DLGAP1: variants seen among roughly 807,000 people sequenced by gnomAD.
DLGAP1 encodes disks large-associated protein 1.
In DLGAP1, 11 loss-of-function variants were observed where a neutral mutation model predicts 90.8. The observed-to-expected ratio is 0.12, with a 90% CI of 0.08 to 0.20. The LOEUF (loss-of-function observed/expected upper bound fraction) is 0.20, where lower values mean the gene tolerates loss of function less well. Ranked by LOEUF, DLGAP1 falls within the 10% of genes least tolerant of loss-of-function variation. The probability of loss-of-function intolerance (pLI) is 1.00; values close to 1 mark genes in which losing one functional copy is unlikely to be tolerated. For synonymous variants in DLGAP1, 558 were observed against 540.7 expected (o/e 1.03, Z -0.44); for missense variants, 1,050 against 1,333.8 (o/e 0.79, Z 3.31).
chr18:3,700,069 G>A (rs1266648315), intron 7 of DLGAP1, among the ~76,000 whole-genome samples: 1 of 152,164 alleles, frequency 6.6e-6, no homozygotes, highest in Admixed American at 6.5e-5. Flanking sequence ...CTCTCTGGGG[G>A]TGGGATCCGC....
intron 7 of DLGAP1, among the ~76,000 whole-genome samples, chr18:3,667,685 A>T (rs979002075): frequency 4.6e-5 from 7 of 152,144 alleles, no homozygotes; most frequent in African/African-American, 1.4e-4. Flanking sequence ...TGACACTTCC[A>T]GGTCGGTGTG....
In DLGAP1 at chr18:4,126,168, G is replaced by T. The variant is rs574865580; in HGVS notation, c.-159+25012C>A. Among the ~76,000 whole-genome samples, 8 of 152,280 alleles carry T rather than the reference G, an allele frequency of 5.3e-5. No homozygotes were observed. In the South Asian group the frequency reaches 1.0e-3, roughly 20 times the overall value. The stretch of plus-strand genomic sequence containing the variant: ...CTTTTTGTAAGTGAGTCCTCTCATG[G>T]GTAGGGGTAGGGGGATCACATTAAA... On this transcript the variant is annotated intron_variant, in intron 2 of 12. Coordinates refer to ENST00000315677, the MANE Select transcript of DLGAP1 (RefSeq NM_004746.4).
intron 2 of DLGAP1, among the ~76,000 whole-genome samples, chr18:4,130,617 G>T (rs1158789933): frequency 6.6e-6 from 1 of 152,158 alleles, no homozygotes; most frequent in Admixed American, 6.5e-5. Flanking sequence ...CCTTGTTCTT[G>T]TGAAGTTTAC....
chr18:4,303,925 C>T (rs926222093), intron 1 of DLGAP1, among the ~76,000 whole-genome samples: 5 of 152,122 alleles, frequency 3.3e-5, no homozygotes, highest in African/African-American at 1.2e-4. Flanking sequence ...GAAAAGTGCT[C>T]AAGAGAAGAT....
chr18:3,636,452 T>C (rs1241529688), intron 7 of DLGAP1, among the ~76,000 whole-genome samples: 2 of 151,800 alleles, frequency 1.3e-5, no homozygotes, highest in East Asian at 4.0e-4. Context: ...CTCGCTATCT[T>C]CTAGGCTGGA....
At chr18:3,874,870 T>C in intron 4 of DLGAP1, 7 of 933,438 alleles carry the variant, frequency 7.5e-6, no homozygotes, top group Non-Finnish European at 1.0e-5. Context: ...TTATCACTCA[T>C]AATACAATTG....
chr18:4,413,879 T>C (rs1485295410), intron 1 of DLGAP1, among the ~76,000 whole-genome samples: 1 of 152,212 alleles, frequency 6.6e-6, no homozygotes, highest in Non-Finnish European at 1.5e-5. Context: ...TTATATACTC[T>C]ATACTTCAAG....
At chr18:3,985,949 T>G (rs904004936) in intron 3 of DLGAP1, among the ~76,000 whole-genome samples, 2 of 152,314 alleles carry the variant, frequency 1.3e-5, no homozygotes, top group Admixed American at 6.5e-5. Context: ...GCCTTTGACA[T>G]GGGGAATCTA....
intron 2 of DLGAP1, among the ~76,000 whole-genome samples, chr18:4,034,523 A>G (rs769163666): frequency 5.8e-4 from 88 of 152,318 alleles, no homozygotes; most frequent in Non-Finnish European, 7.5e-4. Context: ...ACAAATATAT[A>G]GTTGTCAATT....
chr18:3,641,489 A>G (rs2058937525), intron 7 of DLGAP1, among the ~76,000 whole-genome samples: 1 of 146,110 alleles, frequency 6.8e-6, no homozygotes, highest in Non-Finnish European at 1.5e-5. Context: ...GTGAGCTGAG[A>G]TGGCACCATT....
chr18:3,704,292 C>T (rs796330582), intron 7 of DLGAP1, among the ~76,000 whole-genome samples: 6 of 152,208 alleles, frequency 3.9e-5, no homozygotes, highest in African/African-American at 9.6e-5. Context: ...AAAAATTGAC[C>T]GGGTGTGGTG....
intron 5 of DLGAP1, among the ~76,000 whole-genome samples, chr18:3,748,555 A>G (rs1002934343): frequency 6.6e-6 from 1 of 152,214 alleles, no homozygotes; most frequent in African/African-American, 2.4e-5. Context: ...CTGACTTACA[A>G]AAGTATTGGA....
At chr18:3,976,352 T>C (rs8091375) in intron 3 of DLGAP1, among the ~76,000 whole-genome samples, 89,808 of 129,568 alleles carry the variant, frequency 0.69, 28,367 homozygotes, top group African/African-American at 0.84. Context: ...AGCAAAACTC[T>C]GTCTCAAAAA....
chr18:4,423,132 T>G (rs1378258825), intron 1 of DLGAP1, among the ~76,000 whole-genome samples: 4 of 152,166 alleles, frequency 2.6e-5, no homozygotes, highest in African/African-American at 9.6e-5. Context: ...GAAATTGTTA[T>G]TTCACTATCA....
chr18:4,377,219 C>T lies in DLGAP1; in HGVS notation c.-267+77787G>A, dbSNP rs553710680. Among the ~76,000 whole-genome samples, 5 of 152,172 alleles carry T rather than the reference C, an allele frequency of 3.3e-5. No homozygotes were observed. In the South Asian group the frequency reaches 1.0e-3, roughly 32 times the overall value. On this transcript the variant is annotated intron_variant, in intron 1 of 12. Coordinates refer to ENST00000315677, the MANE Select transcript of DLGAP1 (RefSeq NM_004746.4). ...GATGCTCCCTCTAGAACTGGATGCA[C>T]AAGAGAATAAGAAATGACCAGTGAT...
intron 1 of DLGAP1, among the ~76,000 whole-genome samples, chr18:4,395,551 TG>T (rs1188716848): frequency 1.3e-5 from 2 of 152,186 alleles, no homozygotes; most frequent in Non-Finnish European, 2.9e-5. Context: ...ATCATTAACA[TG>T]GTTCTCTGTA....
intron 8 of DLGAP1, among the ~76,000 whole-genome samples, chr18:3,576,857 C>T (rs568224586): frequency 2.1e-4 from 31 of 146,960 alleles, no homozygotes; most frequent in Middle Eastern, 3.7e-3. Context: ...TGAGCCACTA[C>T]GCCCGGCCTT....
At chr18:4,358,471 G>A (rs12967698) in intron 1 of DLGAP1, among the ~76,000 whole-genome samples, 3 of 152,126 alleles carry the variant, frequency 2.0e-5, no homozygotes, top group Non-Finnish European at 2.9e-5. Flanking sequence ...TGTGTGTGCC[G>A]CTTAGGGAGT....
rs1390358128 is a variant in DLGAP1 at position 3,896,941 on chromosome 18, G to GGTTTATATCTAATCATATGTTGTTTAATT, written c.-72-16802_-72-16801insAATTAAACAACATATGATTAGATATAAAC. Reference sequence around the variant, plus strand: ...TACACAAAGAGGTTAAGAAGAATTTGAACATTCAGGCCTTGCTGGGTTCCC... The same window carrying GGTTTATATCTAATCATATGTTGTTTAATT: ...TACACAAAGAGGTTAAGAAGAATTTGGTTTATATCTAATCATATGTTGTTTAATTAACATTCAGGCCTTGCTGGGTTCCC... On this transcript the variant is annotated intron_variant, in intron 3 of 12. Transcript: ENST00000315677. The GGTTTATATCTAATCATATGTTGTTTAATT allele has an allele frequency of 3.3e-5, 5 of 152,432 alleles. No individual in the cohort carries two copies. The East Asian group carries it at 9.6e-4, about 29-fold the overall frequency. The allele number at this position is 152,432 out of a possible 1,614,324, so 9.4% of individuals were successfully genotyped here.
Sources: allele counts gnomAD v4.1 joint callset (sites outside exome capture counted in the v4.1 genomes callset), GRCh38; gene constraint gnomAD v4.1.1; transcripts MANE v1.5; gene names NCBI Gene and HGNC (gene_info 2026-07-23, HGNC 2026-07-21).